The following CATSPERB variants were observed in gnomAD, a reference collection of about 807,000 sequenced individuals.
CATSPERB encodes catsper channel auxiliary subunit beta.
CATSPERB carries 93 observed loss-of-function variants against 128.3 expected under a neutral mutation model. The ratio of observed to expected loss-of-function variants is 0.72; its 90% CI spans 0.61 to 0.86. The LOEUF (loss-of-function observed/expected upper bound fraction) is 0.86, where lower values mean the gene tolerates loss of function less well. CATSPERB is among the 40% of genes least tolerant of loss of function. The pLI is 0.00. For missense variants in CATSPERB, 1,153 were observed against 1,329.5 expected (o/e 0.87, Z 2.06); for synonymous variants, 381 against 448.8 (o/e 0.85, Z 1.91).
intron 3 of CATSPERB, 110 bp from the exon 4 acceptor site, chr14:91,723,299 A>G: frequency 1.5e-6 from 1 of 681,998 alleles, no homozygotes; most frequent in East Asian, 3.2e-5. Context: ...AGGAAAAAAT[A>G]TATATATTTA....
rs563119840 is a variant in CATSPERB at position 91,599,084 on chromosome 14, G to A, written c.2710-7082C>T. ...ATTTTGGGATATCAGGGATTCATTG[G>A]AGGGGTGCTCTCAGACCTCAGCAAA... On this transcript the variant is annotated intron_variant, in intron 22 of 26. Coordinates refer to ENST00000256343, the MANE Select transcript of CATSPERB (RefSeq NM_024764.4). Among the ~76,000 whole-genome samples the A allele has an allele frequency of 2.0e-5, 3 of 152,178 alleles. No individual in the cohort carries two copies. The East Asian group carries it at 5.8e-4, about 29-fold the overall frequency.
intron 21 of CATSPERB, among the ~76,000 whole-genome samples, chr14:91,609,138 C>T (rs1006570673): frequency 1.3e-5 from 2 of 151,956 alleles, no homozygotes; most frequent in African/African-American, 4.8e-5. Context: ...AATTGTCTGT[C>T]TGAAATCCAG....
intron 15 of CATSPERB, among the ~76,000 whole-genome samples, chr14:91,657,703 G>A (rs1378029289): frequency 6.6e-6 from 1 of 152,032 alleles, no homozygotes; most frequent in Non-Finnish European, 1.5e-5. Flanking sequence ...TTTAAAATGG[G>A]CAAAAATCTG....
intron 15 of CATSPERB, among the ~76,000 whole-genome samples, chr14:91,646,889 T>A (rs182544976): frequency 8.5e-5 from 13 of 152,254 alleles, no homozygotes; most frequent in Admixed American, 8.5e-4. Context: ...ATCAAGAAGT[T>A]ACATTCTATT....
At chr14:91,730,434 C>T (rs1182005361) in intron 1 of CATSPERB, among the ~76,000 whole-genome samples, 1 of 152,168 alleles carries the variant, frequency 6.6e-6, no homozygotes, top group African/African-American at 2.4e-5. Context: ...TTTCTAGCCT[C>T]CAGAACTGTG....
chr14:91,610,155 T>C (rs1893797967), intron 21 of CATSPERB, among the ~76,000 whole-genome samples: 1 of 152,178 alleles, frequency 6.6e-6, no homozygotes, highest in African/African-American at 2.4e-5. Context: ...AAACCTATTG[T>C]TCAAAGGCTA....
At position 91,721,848 on chromosome 14, in the gene CATSPERB, TAAAAAAAAAA is replaced by T. The variant is rs774942210; in HGVS notation, c.309+1191_309+1200del. ...CTGGGTGACAGAACGAGACTCTGTC[TAAAAAAAAAA>T]AAAAAAAAGACAAATAAAACCAAGC... On this transcript the variant is annotated intron_variant, in intron 4 of 26. Coordinates refer to ENST00000256343, the MANE Select transcript of CATSPERB (RefSeq NM_024764.4). 3.2e-3 allele frequency among the ~76,000 whole-genome samples: 362 copies of T among 112,292 alleles called. 2 individuals carry two copies. Among genetic ancestry groups the T allele is most frequent in the Non-Finnish European group, 5.4e-3 (289 of 53,120 alleles). The allele number at this position is 112,292 out of a possible 152,430, so 73.7% of individuals were successfully genotyped here.
chr14:91,701,201 GC>G (rs1249002614), intron 7 of CATSPERB, among the ~76,000 whole-genome samples: 1 of 152,092 alleles, frequency 6.6e-6, no homozygotes, highest in African/African-American at 2.4e-5. Context: ...GTCACCAAAT[GC>G]TGGCAACCAA....
intron 11 of CATSPERB, among the ~76,000 whole-genome samples, chr14:91,680,691 C>A (rs371862330): frequency 6.6e-6 from 1 of 152,122 alleles, no homozygotes; most frequent in East Asian, 1.9e-4. Flanking sequence ...AGTCATACCA[C>A]CCCAGCATTA....
intron 10 of CATSPERB, among the ~76,000 whole-genome samples, chr14:91,688,431 C>T (rs1228676241): frequency 6.6e-6 from 1 of 152,058 alleles, no homozygotes; most frequent in Non-Finnish European, 1.5e-5. Context: ...TTCAGTGCTC[C>T]CTGGAATTTA....
intron 15 of CATSPERB, among the ~76,000 whole-genome samples, chr14:91,644,392 G>T (rs1001490295): frequency 1.3e-4 from 19 of 149,966 alleles, no homozygotes; most frequent in Non-Finnish European, 2.4e-4. Flanking sequence ...AGGAGCTCTT[G>T]TAGGGCAGGC....
chr14:91,666,528 A>G (rs568888235), intron 14 of CATSPERB, among the ~76,000 whole-genome samples: 2 of 152,328 alleles, frequency 1.3e-5, no homozygotes, highest in South Asian at 4.1e-4. Context: ...TAGCTCTTGG[A>G]ATCCTTACTC....
chr14:91,652,504 CAAA>C (rs536896278), intron 15 of CATSPERB, among the ~76,000 whole-genome samples: 77 of 111,722 alleles, frequency 6.9e-4, no homozygotes, highest in East Asian at 1.5e-3. Flanking sequence ...ACTAACAATA[CAAA>C]AAAAAAAAAA....
At chr14:91,712,764 G>A (rs150313332) in intron 5 of CATSPERB, among the ~76,000 whole-genome samples, 2,875 of 152,228 alleles carry the variant, frequency 0.019, 35 homozygotes, top group Non-Finnish European at 0.028. Flanking sequence ...AAGATTGAAC[G>A]CCATTTCTTC....
chr14:91,610,248 G>T (rs1381259565), intron 21 of CATSPERB, among the ~76,000 whole-genome samples: 1 of 152,112 alleles, frequency 6.6e-6, no homozygotes, highest in Non-Finnish European at 1.5e-5. Flanking sequence ...AACATATAAA[G>T]TGTAAAATGA....
intron 6 of CATSPERB, among the ~76,000 whole-genome samples, chr14:91,706,405 GC>G (rs1895733019): frequency 6.6e-6 from 1 of 152,134 alleles, no homozygotes; most frequent in South Asian, 2.1e-4. Context: ...AGCTGACAAT[GC>G]CCCCCTACTT....
chr14:91,664,491 C>A (rs1174570863), intron 14 of CATSPERB, among the ~76,000 whole-genome samples: 2 of 152,056 alleles, frequency 1.3e-5, no homozygotes, highest in Non-Finnish European at 2.9e-5. Context: ...GTCTCGAACT[C>A]CTGACCTCAG....
At chr14:91,668,078 T>C (rs1188490680) in intron 14 of CATSPERB, among the ~76,000 whole-genome samples, 1 of 152,144 alleles carries the variant, frequency 6.6e-6, no homozygotes, top group African/African-American at 2.4e-5. Flanking sequence ...ACACTACAAC[T>C]GCAGGGCCCT....
chr14:91,614,501 A>G (rs1427602505), intron 20 of CATSPERB, among the ~76,000 whole-genome samples: 1 of 152,114 alleles, frequency 6.6e-6, no homozygotes, highest in Non-Finnish European at 1.5e-5. Context: ...CATCTCTACT[A>G]AAAACACAAA....
Sources: gnomAD v4.1 joint callset for allele counts (sites outside exome capture counted in the v4.1 genomes callset) on GRCh38, gnomAD v4.1.1 for gene constraint, MANE v1.5 for transcripts, NCBI Gene and HGNC (gene_info 2026-07-23, HGNC 2026-07-21) for gene names.